The following PPP1R12B variants were observed in gnomAD, a reference collection of about 807,000 sequenced individuals.
The protein encoded by PPP1R12B is protein phosphatase 1 regulatory subunit 12B.
Under a neutral mutation model 126.1 loss-of-function variants are expected in PPP1R12B, and 76 were observed. The ratio of observed to expected loss-of-function variants is 0.60; its 90% CI spans 0.50 to 0.73. The LOEUF (loss-of-function observed/expected upper bound fraction) is 0.73, where lower values mean the gene tolerates loss of function less well. Ranked by LOEUF, PPP1R12B falls within the 30% of genes least tolerant of loss-of-function variation. The pLI is 0.00. For missense variants in PPP1R12B, 1,052 were observed against 1,205.1 expected (o/e 0.87, Z 1.88); for synonymous variants, 356 against 434.7 (o/e 0.82, Z 2.25).
In PPP1R12B at chr1:202,580,656, T is replaced by A; in HGVS notation, c.*96T>A. The stretch of plus-strand genomic sequence containing the variant: ...GCCTTCCAACCAAAAGAAATGGATG[T>A]TTTGGTGGAAGGACACTTCTTTCTA... On this transcript the variant is annotated 3_prime_UTR_variant, in exon 24 of 24. Coordinates refer to ENST00000608999, the MANE Select transcript of PPP1R12B (RefSeq NM_002481.4). The A allele has an allele frequency of 9.8e-7, 1 of 1,021,268 alleles. No individual in the cohort carries two copies. The highest frequency in any genetic ancestry group is 1.5e-6 in the Non-Finnish European group (1 of 655,608). The allele number at this position is 1,021,268 out of a possible 1,614,324, so 63.3% of individuals were successfully genotyped here.
At chr1:202,409,130 C>G (rs773514346) in intron 1 of PPP1R12B, among the ~76,000 whole-genome samples, 1 of 151,976 alleles carries the variant, frequency 6.6e-6, no homozygotes. Context: ...TGAGCCATTA[C>G]GACCAGCATC....
In PPP1R12B at chr1:202,519,171, T is replaced by A. The variant is rs1682484747; in HGVS notation, c.2490+22349T>A. 2.0e-5 allele frequency among the ~76,000 whole-genome samples: 3 copies of A among 152,246 alleles called. No individual in the cohort carries two copies. The South Asian group carries it at 6.2e-4, about 31-fold the overall frequency. On this transcript the variant is annotated intron_variant, in intron 18 of 23. Coordinates refer to ENST00000608999, the MANE Select transcript of PPP1R12B (RefSeq NM_002481.4). ...TTGTGGTGAAATTAAACAATTCACA[T>A]AAATTTTTATTGTGGCTGATAGTCA...
At chr1:202,450,915 A>G (rs1672840106) in intron 13 of PPP1R12B, among the ~76,000 whole-genome samples, 2 of 152,164 alleles carry the variant, frequency 1.3e-5, no homozygotes, top group Non-Finnish European at 2.9e-5. Flanking sequence ...GTATTTTGAT[A>G]GGGATTGTAT....
chr1:202,361,751 A>G (rs949187322), intron 1 of PPP1R12B, among the ~76,000 whole-genome samples: 2 of 152,196 alleles, frequency 1.3e-5, no homozygotes, highest in Admixed American at 1.3e-4. Context: ...GCTCCAAAGA[A>G]AACTAAAAAA....
In PPP1R12B at chr1:202,588,839, A is replaced by ATAGAT. The variant is rs1410785187; in HGVS notation, c.*8280_*8284dup. On this transcript the variant is annotated 3_prime_UTR_variant, in exon 24 of 24. Transcript: ENST00000608999. ...AAAGAACCGTAAGATAGATAGATAG[A>ATAGAT]TAGATAGATAGATAGATAGATAGAT... 6 of 142,782 alleles carry ATAGAT rather than the reference A, an allele frequency of 4.2e-5. No individual in the cohort carries two copies. The highest frequency in any genetic ancestry group is 2.0e-4 in the East Asian group (1 of 5,072). The allele number at this position is 142,782 out of a possible 1,614,324, so 8.8% of individuals were successfully genotyped here.
intron 20 of PPP1R12B, 118 bp from the exon 21 acceptor site, chr1:202,564,325 A>T (rs928692530): frequency 1.4e-5 from 9 of 649,962 alleles, no homozygotes; most frequent in Non-Finnish European, 2.1e-5. Context: ...CCCTTCCTTC[A>T]TTTTCTCTCT....
intron 23 of PPP1R12B, among the ~76,000 whole-genome samples, chr1:202,569,706 A>G (rs1267436550): frequency 6.6e-6 from 1 of 152,172 alleles, no homozygotes; most frequent in Non-Finnish European, 1.5e-5. Context: ...TTCCTGCCCC[A>G]GTACATTAAC....
intron 2 of PPP1R12B, among the ~76,000 whole-genome samples, chr1:202,421,166 G>C (rs564309453): frequency 6.6e-6 from 1 of 151,908 alleles, no homozygotes; most frequent in East Asian, 1.9e-4. Context: ...TGTTGGTCAG[G>C]CTTGTCTCAA....
intron 18 of PPP1R12B, among the ~76,000 whole-genome samples, chr1:202,526,319 G>C (rs1683345229): frequency 6.6e-6 from 1 of 152,142 alleles, no homozygotes; most frequent in Non-Finnish European, 1.5e-5. Context: ...GGAGGTGTTG[G>C]GTGTTTGAGT....
intron 13 of PPP1R12B, among the ~76,000 whole-genome samples, chr1:202,484,797 A>G (rs1677856532): frequency 6.6e-6 from 1 of 151,810 alleles, no homozygotes; most frequent in Non-Finnish European, 1.5e-5. Flanking sequence ...TCCCCCAAAC[A>G]CTCTGAATAT....
chr1:202,390,413 C>T (rs1372752049), intron 1 of PPP1R12B, among the ~76,000 whole-genome samples: 4 of 152,072 alleles, frequency 2.6e-5, no homozygotes, highest in Non-Finnish European at 5.9e-5. Flanking sequence ...TCCATGACCT[C>T]GGATTTAGCA....
In PPP1R12B at chr1:202,379,049, G is replaced by T. The variant is rs372579490; in HGVS notation, c.291+29907G>T. 3.9e-5 allele frequency among the ~76,000 whole-genome samples: 6 copies of T among 152,144 alleles called. No individual in the cohort carries two copies. The East Asian group carries it at 9.7e-4, about 25-fold the overall frequency. On this transcript the variant is annotated intron_variant, in intron 1 of 23. Coordinates refer to ENST00000608999, the MANE Select transcript of PPP1R12B (RefSeq NM_002481.4). ...GCCTCATCCCTCATTATGTACTAAT[G>T]ATGTCGAGATCTGTCTGACCCTGAC...
At chr1:202,439,663 C>T (rs918046620) in intron 10 of PPP1R12B, 27 of 696,494 alleles carry the variant, frequency 3.9e-5, no homozygotes, top group African/African-American at 3.4e-4. Flanking sequence ...CTTCCTGGTC[C>T]GGCCCCCTTC....
chr1:202,383,729 A>G (rs1662698028), intron 1 of PPP1R12B, among the ~76,000 whole-genome samples: 1 of 152,202 alleles, frequency 6.6e-6, no homozygotes, highest in African/African-American at 2.4e-5. Context: ...GTCTCAAAAA[A>G]AAAGAAAAAG....
At chr1:202,356,906 C>T (rs1291113872) in intron 1 of PPP1R12B, among the ~76,000 whole-genome samples, 1 of 151,730 alleles carries the variant, frequency 6.6e-6, no homozygotes, top group African/African-American at 2.4e-5. Context: ...ACTACAACCT[C>T]CGCTGCCCGG....
intron 13 of PPP1R12B, among the ~76,000 whole-genome samples, chr1:202,474,350 CG>C (rs1483663091): frequency 6.6e-6 from 1 of 151,064 alleles, no homozygotes; most frequent in Non-Finnish European, 1.5e-5. Flanking sequence ...TGCAGTGGTG[CG>C]ATCTCACTGC....
chr1:202,561,939 A>T (rs762593193), intron 19 of PPP1R12B, among the ~76,000 whole-genome samples: 3 of 152,184 alleles, frequency 2.0e-5, no homozygotes, highest in Non-Finnish European at 4.4e-5. Context: ...GACTCTTCAA[A>T]CCATCCCAGT....
At chr1:202,471,275 C>A (rs1380233013) in intron 13 of PPP1R12B, among the ~76,000 whole-genome samples, 3 of 152,030 alleles carry the variant, frequency 2.0e-5, no homozygotes, top group Non-Finnish European at 4.4e-5. Flanking sequence ...TTATTTTAGT[C>A]CATTGTACAA....
At chr1:202,579,695 C>G (rs972159641) in intron 23 of PPP1R12B, among the ~76,000 whole-genome samples, 1 of 152,186 alleles carries the variant, frequency 6.6e-6, no homozygotes, top group African/African-American at 2.4e-5. Context: ...CCACTCCCTC[C>G]CCTGCCCAAC....
Sources: allele counts gnomAD v4.1 joint callset (sites outside exome capture counted in the v4.1 genomes callset), GRCh38; gene constraint gnomAD v4.1.1; transcripts MANE v1.5; gene names NCBI Gene and HGNC (gene_info 2026-07-23, HGNC 2026-07-21).